CTNNA2: variants seen among roughly 807,000 people sequenced by gnomAD.
The protein encoded by CTNNA2 is catenin alpha 2.
CTNNA2 carries 42 observed loss-of-function variants against 101.0 expected under a neutral mutation model. The ratio of observed to expected loss-of-function variants is 0.42; its 90% CI spans 0.32 to 0.54. CTNNA2 has a LOEUF of 0.54. CTNNA2 is among the 20% of genes least tolerant of loss of function. CTNNA2 has a pLI of 0.14. For missense variants in CTNNA2, 871 were observed against 1,223.1 expected, an observed-to-expected ratio of 0.71 and a Z score of 4.29; for synonymous variants, 450 against 456.4, an observed-to-expected ratio of 0.99 and a Z score of 0.18.
At chr2:80,109,134 A>G (rs1558817131) in intron 7 of CTNNA2, among the ~76,000 whole-genome samples, 1 of 152,194 alleles carries the variant, frequency 6.6e-6, no homozygotes, top group Non-Finnish European at 1.5e-5. Flanking sequence ...AAAGTGTTTT[A>G]TTTGCACTGT....
chr2:80,346,982 G>A (rs115813434), intron 7 of CTNNA2, among the ~76,000 whole-genome samples: 8 of 152,320 alleles, frequency 5.3e-5, no homozygotes, highest in South Asian at 4.1e-4. Context: ...CCATGCTTCC[G>A]CTAGAAAGGT....
At chr2:79,385,962 T>C (rs1185079592) in intron 4 of CTNNA2, among the ~76,000 whole-genome samples, 1 of 152,182 alleles carries the variant, frequency 6.6e-6, no homozygotes, top group Admixed American at 6.5e-5. Flanking sequence ...GTTCCAAGTC[T>C]TTGCTATTGA....
At chr2:80,064,577 G>A (rs944495941) in intron 7 of CTNNA2, among the ~76,000 whole-genome samples, 2 of 152,204 alleles carry the variant, frequency 1.3e-5, no homozygotes, top group African/African-American at 4.8e-5. Flanking sequence ...AGCTGGGGCT[G>A]GATGGTTAAA....
At chr2:79,825,662 A>G (rs1489484675) in intron 3 of CTNNA2, among the ~76,000 whole-genome samples, 37 of 152,166 alleles carry the variant, frequency 2.4e-4, no homozygotes, top group Non-Finnish European at 1.5e-5. Context: ...TGGGAAATAC[A>G]AATTTGGAAT....
intron 2 of CTNNA2, among the ~76,000 whole-genome samples, chr2:79,255,759 G>T (rs1674836736): frequency 1.3e-5 from 2 of 152,176 alleles, no homozygotes; most frequent in African/African-American, 4.8e-5. Context: ...AATTCACCTT[G>T]TGTAGCTTAA....
chr2:80,444,812 C>T (rs1412786274), intron 9 of CTNNA2, among the ~76,000 whole-genome samples: 1 of 152,150 alleles, frequency 6.6e-6, no homozygotes, highest in Non-Finnish European at 1.5e-5. Flanking sequence ...GCACCCTGGA[C>T]CTCCAGCCTC....
At chr2:79,352,293 T>C (rs1419001834) in intron 3 of CTNNA2, among the ~76,000 whole-genome samples, 1 of 152,180 alleles carries the variant, frequency 6.6e-6, no homozygotes, top group Non-Finnish European at 1.5e-5. Context: ...GTTTTCAATT[T>C]CTTCCTGGTT....
intron 6 of CTNNA2, among the ~76,000 whole-genome samples, chr2:79,903,304 T>A (rs747251642): frequency 6.6e-5 from 10 of 152,030 alleles, no homozygotes; most frequent in Non-Finnish European, 1.3e-4. Flanking sequence ...TCCTCACCTC[T>A]CTTTTGGGCT....
At chr2:80,616,017 T>C (rs1698823276) in intron 17 of CTNNA2, among the ~76,000 whole-genome samples, 1 of 151,770 alleles carries the variant, frequency 6.6e-6, no homozygotes, top group African/African-American at 2.4e-5. Context: ...TTTTCTTTTA[T>C]CATCAATACT....
rs772576068 is a variant in CTNNA2, at chr2:79,744,353, AAAG to A, written c.103-30_103-28del. The A allele has an allele frequency of 9.0e-6, 14 of 1,558,902 alleles. No homozygotes were observed. The Middle Eastern group carries it at 5.4e-4, about 60-fold the overall frequency. ...ACATGACATTTCTAGACAGTTTTGC[AAAG>A]AAGTTTTACAGTTTCTCTTTTATAT... On this transcript the variant is annotated intron_variant, in intron 2 of 18. Coordinates refer to ENST00000402739, the MANE Select transcript of CTNNA2 (RefSeq NM_001282597.3).
rs564502074 is a variant in CTNNA2, at chr2:79,870,986, ACT to A, written c.585+1054_585+1055del. Among the ~76,000 whole-genome samples, 137 of 152,144 alleles carry A rather than the reference ACT, an allele frequency of 9.0e-4. No individual in the cohort carries two copies. In the Middle Eastern group the frequency reaches 0.014, roughly 15 times the overall value. On this transcript the variant is annotated intron_variant, in intron 5 of 18. Transcript: ENST00000402739. ...TCTAGGGATTTCTCAGTTTCAGCTA[ACT>A]CTGTTTGCTCACTGGATACCTTTAG...
At chr2:79,279,771 T>C (rs1407460832) in intron 2 of CTNNA2, among the ~76,000 whole-genome samples, 1 of 152,200 alleles carries the variant, frequency 6.6e-6, no homozygotes, top group African/African-American at 2.4e-5. Flanking sequence ...TCTTGACACT[T>C]CCAAATGTGT....
At chr2:80,271,358 A>G (rs1673453941) in intron 7 of CTNNA2, among the ~76,000 whole-genome samples, 1 of 151,936 alleles carries the variant, frequency 6.6e-6, no homozygotes, top group African/African-American at 2.4e-5. Flanking sequence ...GGGTAAGAAG[A>G]AGGATCTTCC....
chr2:79,798,021 A>AT (rs546621167), intron 3 of CTNNA2, among the ~76,000 whole-genome samples: 3 of 152,232 alleles, frequency 2.0e-5, no homozygotes, highest in African/African-American at 7.2e-5. Flanking sequence ...GATCTTTGGA[A>AT]TCACCCAGTC....
intron 7 of CTNNA2, among the ~76,000 whole-genome samples, chr2:80,045,189 T>C (rs1696434392): frequency 6.6e-6 from 1 of 152,200 alleles, no homozygotes; most frequent in Non-Finnish European, 1.5e-5. Flanking sequence ...GAAGTCATAC[T>C]GTGCCCCTTC....
chr2:79,560,571 G>C (rs1231096279), intron 1 of CTNNA2, among the ~76,000 whole-genome samples: 1 of 151,970 alleles, frequency 6.6e-6, no homozygotes, highest in South Asian at 2.1e-4. Context: ...ATAATGATGT[G>C]TCTCTCTATT....
At chr2:80,495,544 AC>A (rs1001683532) in intron 9 of CTNNA2, among the ~76,000 whole-genome samples, 10 of 152,162 alleles carry the variant, frequency 6.6e-5, no homozygotes, top group Non-Finnish European at 1.5e-4. Flanking sequence ...TCATACTATG[AC>A]CTCATTTGGA....
chr2:80,644,540 A>G (rs1673849312), intron 18 of CTNNA2, among the ~76,000 whole-genome samples: 1 of 152,310 alleles, frequency 6.6e-6, no homozygotes, highest in South Asian at 2.1e-4. Flanking sequence ...TTTTGGCACC[A>G]TCTTGGAAAG....
chr2:80,620,828 C>T (rs538653769), intron 18 of CTNNA2, among the ~76,000 whole-genome samples: 13 of 151,892 alleles, frequency 8.6e-5, no homozygotes, highest in Non-Finnish European at 1.8e-4. Flanking sequence ...ATTTTCAAAC[C>T]CTTGGGACAC....
Sources: allele counts gnomAD v4.1 joint callset (sites outside exome capture counted in the v4.1 genomes callset), GRCh38; gene constraint gnomAD v4.1.1; transcripts MANE v1.5; gene names NCBI Gene and HGNC (gene_info 2026-07-23, HGNC 2026-07-21).